Variants in PCDHGA1 observed in about 807,000 individuals in gnomAD.
PCDHGA1 encodes the protein protocadherin gamma subfamily A, 1.
In PCDHGA1, 32 loss-of-function variants were observed where a neutral mutation model predicts 58.0. The observed-to-expected ratio is 0.55, with a 90% CI of 0.42 to 0.74. The LOEUF (loss-of-function observed/expected upper bound fraction) is 0.74, where lower values mean the gene tolerates loss of function less well. Among genes scored for constraint, PCDHGA1 ranks in the 30% least tolerant of loss-of-function variants. PCDHGA1 has a pLI of 0.00. For missense variants in PCDHGA1, 1,205 were observed against 1,182.3 expected (o/e 1.02, Z -0.28); for synonymous variants, 498 against 501.1 (o/e 0.99, Z 0.08).
chr5:141,477,747 C>A lies in PCDHGA1; in HGVS notation c.2422-17060C>A. ...ACAGCTCATATCAGCGATGGGGGCA[C>A]CCCGGTCCTAGCCACCAACATCAGC... On this transcript the variant is annotated intron_variant, in intron 1 of 3. Coordinates refer to ENST00000517417, the MANE Select transcript of PCDHGA1 (RefSeq NM_018912.3). The surrounding 1 kb of genome is among the most constrained non-coding windows in gnomAD (Gnocchi z 4.9). 1.9e-6 allele frequency: 3 copies of A among 1,613,840 alleles called. No individual in the cohort carries two copies. The highest frequency in any genetic ancestry group is 2.5e-6 in the Non-Finnish European group (3 of 1,180,044).
chr5:141,432,343 G>C lies in PCDHGA1; in HGVS notation c.2422-62464G>C, dbSNP rs1174646711. 3 of 1,614,130 alleles carry C rather than the reference G, an allele frequency of 1.9e-6. No homozygotes were observed. On this transcript the variant is annotated intron_variant, in intron 1 of 3. Coordinates refer to ENST00000517417, the MANE Select transcript of PCDHGA1 (RefSeq NM_018912.3). This position sits in a 1 kb window ranked among gnomAD's most constrained non-coding sequence, Gnocchi z 6.0. ...TCGACTACGAGCAGTTCCGAGACTTGCAAGTGAAAGTGATGGCGCGGGACA... is the reference window on the plus strand; with the variant it reads ...TCGACTACGAGCAGTTCCGAGACTTCCAAGTGAAAGTGATGGCGCGGGACA...
chr5:141,415,740 G>GTTTTTTTTTTTTTTTTTTTTTTT (rs57426385), intron 1 of PCDHGA1: 14 of 625,046 alleles, frequency 2.2e-5, no homozygotes, highest in East Asian at 1.4e-4. Flanking sequence ...GTTTATTAAG[G>GTTTTTTTTTTTTTTTTTTTTTTT]TTTTTTTTTT....
At chr5:141,509,650 T>C (rs1484029268) in intron 3 of PCDHGA1, among the ~76,000 whole-genome samples, 1 of 152,188 alleles carries the variant, frequency 6.6e-6, no homozygotes, top group African/African-American at 2.4e-5. Context: ...GGCCAGAGTG[T>C]GGACTTCTCT....
rs1265969692 is a variant in PCDHGA1, at chr5:141,331,268, T to A, written c.584T>A (p.Val195Glu). Residue 195 changes from valine (V) to glutamate (E), a missense_variant, in exon 1 of 4, where the codon GTG (valine) becomes GAG (glutamate). Physicochemically the swap from Val to Glu is moderately radical, Grantham distance 121. Coordinates refer to ENST00000517417, the MANE Select transcript of PCDHGA1 (RefSeq NM_018912.3). ...GADGPQHPEM[V>E]LQSPLDREEE... ...GATGGGCCTCAACATCCAGAGATGG[T>A]GCTGCAGAGTCCCTTAGACAGAGAA... The A allele has an allele frequency of 2.5e-6, 4 of 1,613,956 alleles. No homozygotes were observed. Among genetic ancestry groups the A allele is most frequent in the Non-Finnish European group, 3.4e-6 (4 of 1,180,038 alleles).
intron 1 of PCDHGA1, among the ~76,000 whole-genome samples, chr5:141,387,032 T>C (rs993852019): frequency 6.6e-6 from 1 of 152,202 alleles, no homozygotes; most frequent in Admixed American, 6.5e-5. Context: ...TTGTATTTCA[T>C]AACCAGTAAA....
intron 1 of PCDHGA1, chr5:141,392,578 A>G: frequency 2.2e-6 from 1 of 461,792 alleles, no homozygotes; most frequent in Non-Finnish European, 3.8e-6. Context: ...TTAGGACTGT[A>G]AGCGCCGCTG....
intron 1 of PCDHGA1, chr5:141,345,133 CTCT>C (rs1356108182): frequency 1.2e-6 from 2 of 1,613,834 alleles, no homozygotes; most frequent in Non-Finnish European, 1.7e-6. Flanking sequence ...AGAGAAATTG[CTCT>C]TATCGACGTG....
At chr5:141,403,509 A>G in intron 1 of PCDHGA1, 1 of 1,614,002 alleles carries the variant, frequency 6.2e-7, no homozygotes, top group Non-Finnish European at 8.5e-7. Context: ...CAGACTGGAG[A>G]CAATGGAGCC....
At chr5:141,363,119 GT>G (rs1228488780) in intron 1 of PCDHGA1, among the ~76,000 whole-genome samples, 2 of 152,234 alleles carry the variant, frequency 1.3e-5, no homozygotes, top group East Asian at 3.8e-4. Flanking sequence ...GGTCTGAGGT[GT>G]CTGCTAGAAA....
intron 1 of PCDHGA1, among the ~76,000 whole-genome samples, chr5:141,488,661 G>T (rs573211567): frequency 6.6e-6 from 1 of 152,246 alleles, no homozygotes; most frequent in African/African-American, 2.4e-5. Context: ...GGAGGGTGGG[G>T]GAATACATGG....
At chr5:141,386,536 G>C (rs919634660) in intron 1 of PCDHGA1, among the ~76,000 whole-genome samples, 6 of 151,656 alleles carry the variant, frequency 4.0e-5, no homozygotes, top group Admixed American at 6.6e-5. Flanking sequence ...TTTTAGACTA[G>C]TGTTGTATTT....
At chr5:141,384,225 G>A (rs757132379) in intron 1 of PCDHGA1, 1 of 1,613,856 alleles carries the variant, frequency 6.2e-7, no homozygotes, top group Non-Finnish European at 8.5e-7. Context: ...TCATGCAGGT[G>A]GCAGACACCA....
At chr5:141,460,795 G>A (rs1007673184) in intron 1 of PCDHGA1, among the ~76,000 whole-genome samples, 3 of 151,492 alleles carry the variant, frequency 2.0e-5, no homozygotes, top group African/African-American at 4.9e-5. Flanking sequence ...TACACACAAA[G>A]TATATATATG....
At chr5:141,339,326 G>A in intron 1 of PCDHGA1, 1 of 1,614,262 alleles carries the variant, frequency 6.2e-7, no homozygotes, top group African/African-American at 1.3e-5. Context: ...TATTTATTCA[G>A]TAGAGGTGGA....
intron 1 of PCDHGA1, chr5:141,344,790 GA>G (rs1757472418): frequency 6.2e-7 from 1 of 1,613,854 alleles, no homozygotes; most frequent in African/African-American, 1.3e-5. Flanking sequence ...GAGTGTTTGG[GA>G]GAACGTGCCT....
intron 1 of PCDHGA1, chr5:141,422,516 G>A (rs575294611): frequency 1.2e-6 from 2 of 1,614,014 alleles, no homozygotes; most frequent in African/African-American, 1.3e-5. Context: ...GACCAGGGAA[G>A]CCCGCCTTTG....
chr5:141,331,878 T>G lies in PCDHGA1; in HGVS notation c.1194T>G (p.Val398=), dbSNP rs751571821. 2 of 1,614,060 alleles carry G rather than the reference T, an allele frequency of 1.2e-6. No individual in the cohort carries two copies. The highest frequency in any genetic ancestry group is 2.7e-5 in the African/African-American group (2 of 74,918). Residue 398 remains valine (V), a synonymous_variant, in exon 1 of 4, where the codon GTT becomes GTG. Transcript: ENST00000517417. ...TACCCTTTAAATTGGAAAAGTTAGT[T>G]GATAATTATTACCGTTTAGTGACTG... ...GNLPFKLEKL[V]DNYYRLVTER... is the part of the protein sequence containing the mutation.
chr5:141,477,223 T>C lies in PCDHGA1; in HGVS notation c.2422-17584T>C. The C allele has an allele frequency of 6.2e-7, 1 of 1,614,198 alleles. No homozygotes were observed. On this transcript the variant is annotated intron_variant, in intron 1 of 3. Coordinates refer to ENST00000517417, the MANE Select transcript of PCDHGA1 (RefSeq NM_018912.3). This position sits in a 1 kb window ranked among gnomAD's most constrained non-coding sequence, Gnocchi z 4.9. ...TACCCGAGGATGCCCCTCTGGGGAC[T>C]GTCATCGCTTTGCTCAGTGTGACTG... is the stretch of plus-strand genomic sequence containing the variant.
intron 1 of PCDHGA1, chr5:141,350,504 T>A: frequency 6.2e-7 from 1 of 1,613,996 alleles, no homozygotes; most frequent in Non-Finnish European, 8.5e-7. Flanking sequence ...CGGGGATTTG[T>A]TAGTGAACGG....
Sources: allele counts gnomAD v4.1 joint callset (sites outside exome capture counted in the v4.1 genomes callset), GRCh38; gene constraint gnomAD v4.1.1; non-coding constraint Gnocchi (gnomAD v3.1); transcripts MANE v1.5; gene names NCBI Gene and HGNC (gene_info 2026-07-23, HGNC 2026-07-21).